Variants in GIMAP8 observed in about 807,000 individuals in gnomAD.
GIMAP8 encodes GTPase IMAP family member 8.
Under a neutral mutation model 35.6 loss-of-function variants are expected in GIMAP8, and 29 were observed. The observed-to-expected ratio is 0.81, with a 90% confidence interval of 0.61 to 1.11. The LOEUF (loss-of-function observed/expected upper bound fraction) is 1.11, where lower values mean the gene tolerates loss of function less well. Among genes scored for constraint, GIMAP8 ranks in the 50% most tolerant of loss-of-function variants. The probability of loss-of-function intolerance (pLI) is 0.00; values close to 1 mark genes in which losing one functional copy is unlikely to be tolerated. For synonymous variants in GIMAP8, 335 were observed against 308.7 expected (o/e 1.09, Z -0.89); for missense variants, 811 against 805.0 (o/e 1.01, Z -0.09).
rs1801615334 is a variant in GIMAP8 at position 150,451,829 on chromosome 7, T to A, written c.-29+654T>A. On this transcript the variant is annotated intron_variant, in intron 1 of 4. Transcript: ENST00000307271. This position sits in a 1 kb window ranked among gnomAD's most constrained non-coding sequence, Gnocchi z 4.1. ...GTCAAGACCTTACCAAAAGCAATAT[T>A]TCTGATTTCACCTACATTTCAGCCA... Among the ~76,000 whole-genome samples the A allele has an allele frequency of 6.6e-6, 1 of 152,202 alleles. No individual in the cohort carries two copies. The highest frequency in any genetic ancestry group is 1.5e-5 in the Non-Finnish European group (1 of 68,030).
intron 1 of GIMAP8, among the ~76,000 whole-genome samples, chr7:150,462,494 G>T (rs934591766): frequency 2.0e-5 from 3 of 152,114 alleles, no homozygotes; most frequent in African/African-American, 7.2e-5. Context: ...TCACATGTAG[G>T]ACCCCATTAA....
chr7:150,465,366 G>T (rs1439026454), intron 1 of GIMAP8, among the ~76,000 whole-genome samples: 3 of 152,140 alleles, frequency 2.0e-5, no homozygotes, highest in African/African-American at 7.2e-5. Flanking sequence ...CAGGATCCCT[G>T]GTGTAACCCT....
intron 2 of GIMAP8, among the ~76,000 whole-genome samples, chr7:150,467,967 T>C (rs1802008001): frequency 6.6e-6 from 1 of 152,216 alleles, no homozygotes; most frequent in Non-Finnish European, 1.5e-5. Context: ...TTTTTGATTT[T>C]CTCTTTTAAA....
At chr7:150,462,370 G>A (rs911733924) in intron 1 of GIMAP8, among the ~76,000 whole-genome samples, 1 of 152,076 alleles carries the variant, frequency 6.6e-6, no homozygotes, top group African/African-American at 2.4e-5. Context: ...AAATTTGGTG[G>A]TTTTCTATAG....
intron 1 of GIMAP8, among the ~76,000 whole-genome samples, chr7:150,457,471 A>G (rs1427277928): frequency 1.3e-5 from 2 of 152,250 alleles, no homozygotes; most frequent in African/African-American, 4.8e-5. Flanking sequence ...AGGGTTGATA[A>G]GAGTGGATTA....
intron 1 of GIMAP8, among the ~76,000 whole-genome samples, chr7:150,454,377 G>A (rs1416557343): frequency 1.3e-5 from 2 of 152,108 alleles, no homozygotes; most frequent in Non-Finnish European, 2.9e-5. Context: ...GGAAACCGGG[G>A]AGCAGTGTTA....
intron 4 of GIMAP8, among the ~76,000 whole-genome samples, chr7:150,476,336 C>T (rs1585121403): frequency 6.6e-6 from 1 of 152,220 alleles, no homozygotes; most frequent in African/African-American, 2.4e-5. Context: ...AGCATAAGAA[C>T]GATCTCCAAA....
chr7:150,459,039 GGT>G (rs1466494857), intron 1 of GIMAP8, among the ~76,000 whole-genome samples: 2 of 152,264 alleles, frequency 1.3e-5, no homozygotes, highest in Admixed American at 1.3e-4. Flanking sequence ...AGCTGGTTGT[GGT>G]TCTTTATCTG....
In GIMAP8 at chr7:150,467,396, G is replaced by C. The variant is rs1444788134; in HGVS notation, c.636+62G>C. The C allele has an allele frequency of 6.0e-6, 8 of 1,325,334 alleles. No homozygotes were observed. The South Asian group carries it at 9.4e-5, about 16-fold the overall frequency. 82.1% of individuals were successfully genotyped at this position (1,325,334 alleles called of 1,614,324 possible). A position where few individuals can be genotyped will look rare whatever the true frequency, so the allele number is the denominator to read the frequency against. ...TTGCTGAACTAGTGGGATGAAAGTG[G>C]GTATAAATAAATGAAATATTGCATT... is the stretch of plus-strand genomic sequence containing the variant. On this transcript the variant is annotated intron_variant, in intron 2 of 4. Coordinates refer to ENST00000307271, the MANE Select transcript of GIMAP8 (RefSeq NM_175571.4).
chr7:150,467,380 T>C lies in GIMAP8; in HGVS notation c.636+46T>C, dbSNP rs556709763. On this transcript the variant is annotated intron_variant, in intron 2 of 4. Coordinates refer to ENST00000307271, the MANE Select transcript of GIMAP8 (RefSeq NM_175571.4). ...TTGAAAGATCTCTATGTTGCTGAAC[T>C]AGTGGGATGAAAGTGGGTATAAATA... The C allele has an allele frequency of 2.6e-4, 396 of 1,495,584 alleles. 5 individuals carry two copies. In the South Asian group the frequency reaches 4.5e-3, roughly 17 times the overall value. The allele number at this position is 1,495,584 out of a possible 1,614,324, so 92.6% of individuals were successfully genotyped here. A position where few individuals can be genotyped will look rare whatever the true frequency, so the allele number is the denominator to read the frequency against.
At chr7:150,458,348 G>A (rs992278293) in intron 1 of GIMAP8, among the ~76,000 whole-genome samples, 1 of 152,188 alleles carries the variant, frequency 6.6e-6, no homozygotes, top group Non-Finnish European at 1.5e-5. Context: ...TCTGCCAAAT[G>A]ATTCCTTCTT....
intron 1 of GIMAP8, among the ~76,000 whole-genome samples, chr7:150,452,639 A>ATATGTATATATGTGTATATATGTATG (rs1563278461): frequency 4.2e-5 from 6 of 142,350 alleles, no homozygotes; most frequent in African/African-American, 1.6e-4. Context: ...ATATATGTAT[A>ATATGTATATATGTGTATATATGTATG]TATATGTGTG....
chr7:150,467,107 G>T lies in GIMAP8; in HGVS notation c.409G>T (p.Asp137Tyr). 6.2e-7 allele frequency: 1 copy of T among 1,614,206 alleles called. No individual in the cohort carries two copies. Among genetic ancestry groups the T allele is most frequent in the Non-Finnish European group, 8.5e-7 (1 of 1,180,036 alleles). ...CATCATTATTGTCTTCACTCGGAAG[G>T]ATGATTTGGGGGATGACTTGCTGCA... Reference protein sequence around the residue: ...RHIIIVFTRKDDLGDDLLQDF... With the variant: ...RHIIIVFTRKYDLGDDLLQDF... Residue 137 changes from aspartate to tyrosine, a missense_variant, in exon 2 of 5, where the codon GAT becomes TAT. Asp to Tyr is a radical substitution (Grantham distance 160, BLOSUM62 -3). Coordinates refer to ENST00000307271, the MANE Select transcript of GIMAP8 (RefSeq NM_175571.4).
Position 150,477,111 on chromosome 7 carries a change from T to G in GIMAP8, c.1329T>G (p.Leu443=), listed in dbSNP as rs1802246733. The part of the protein sequence containing the change: ...FREKETLNIV[L]VGRSGTGKSA... ...TGACAGAAACCCTGAACATTGTCCT[T>G]GTGGGGAGAAGCGGGACTGGGAAGA... is the stretch of plus-strand genomic sequence containing the variant. Residue 443 remains leucine (L), a synonymous_variant, in exon 5 of 5, where the codon CTT becomes CTG. Transcript: ENST00000307271. 1 of 1,605,244 alleles carries G rather than the reference T, an allele frequency of 6.2e-7. No individual in the cohort carries two copies. The highest frequency in any genetic ancestry group is 1.7e-5 in the Admixed American group (1 of 59,860).
chr7:150,456,363 T>G (rs1434899059), intron 1 of GIMAP8, among the ~76,000 whole-genome samples: 2 of 152,190 alleles, frequency 1.3e-5, no homozygotes, highest in African/African-American at 4.8e-5. Context: ...CTTTTCCAGC[T>G]TCTAGAAGCC....
Position 150,470,169 on chromosome 7 carries a change from G to C in GIMAP8, c.637-660G>C, listed in dbSNP as rs374268694. On this transcript the variant is annotated intron_variant, in intron 2 of 4. Transcript: ENST00000307271. ...TGTAAGGTTAAAGAAATCTGATAAT[G>C]ACAGCTAAATGGAGAGGATGCAGGG... is the stretch of plus-strand genomic sequence containing the variant. Among the ~76,000 whole-genome samples, 156 of 152,292 alleles carry C rather than the reference G, an allele frequency of 1.0e-3. 1 individual carries two copies. The South Asian group carries it at 0.032, about 31-fold the overall frequency.
Position 150,474,404 on chromosome 7 carries a change from A to C in GIMAP8, c.1075A>C (p.Met359Leu). 3 of 1,614,170 alleles carry C rather than the reference A, an allele frequency of 1.9e-6. No homozygotes were observed. Among genetic ancestry groups the C allele is most frequent in the Non-Finnish European group, 2.5e-6 (3 of 1,180,006 alleles). Residue 359 changes from methionine to leucine, a missense_variant, in exon 4 of 5, where the codon ATG becomes CTG. By Grantham distance (15) the Met-to-Leu change is conservative. Transcript: ENST00000307271. Reference sequence around the variant, plus strand: ...TTTTGGAGAAAAATTCTTTGAGTACATGATCATACTTCTTACCAGGAAAGA... The same window carrying C: ...TTTTGGAGAAAAATTCTTTGAGTACCTGATCATACTTCTTACCAGGAAAGA... ...NNFGEKFFEY[M>L]IILLTRKEDL...
At chr7:150,463,956 T>C (rs1453686345) in intron 1 of GIMAP8, among the ~76,000 whole-genome samples, 1 of 152,188 alleles carries the variant, frequency 6.6e-6, no homozygotes, top group African/African-American at 2.4e-5. Flanking sequence ...GGCCAGCCCT[T>C]AGACCCCCAA....
At position 150,477,703 on chromosome 7, in the gene GIMAP8, A is replaced by G; in HGVS notation, c.1921A>G (p.Ser641Gly). ...GTATCCCCATACACAGGAGAACGTC[A>G]GCAAACTAATTAAAAATGTCCAGGA... ...SGYPHTQENV[S>G]KLIKNVQEMS... The change falls in exon 5 of 5, where the codon AGC becomes GGC. Residue 641 changes from serine to glycine, a missense_variant. Transcript: ENST00000307271. The G allele has an allele frequency of 6.2e-7, 1 of 1,614,232 alleles. No homozygotes were observed. Among genetic ancestry groups the G allele is most frequent in the African/African-American group, 1.3e-5 (1 of 75,064 alleles).
Sources: allele counts gnomAD v4.1 joint callset (sites outside exome capture counted in the v4.1 genomes callset), GRCh38; gene constraint gnomAD v4.1.1; non-coding constraint Gnocchi (gnomAD v3.1); transcripts MANE v1.5; gene names NCBI Gene and HGNC (gene_info 2026-07-23, HGNC 2026-07-21).